CSNK2A2IP: variants seen among roughly 807,000 people sequenced by gnomAD.
The protein encoded by CSNK2A2IP is casein kinase II subunit alpha'-interacting protein.
the CSNK2A2IP span, among the ~76,000 whole-genome samples, chr3:88,396,185 G>A: frequency 2.7e-5 from 4 of 149,164 alleles, no homozygotes; most frequent in Non-Finnish European, 5.9e-5. Flanking sequence ...GCTCACTGCA[G>A]GCTCCGCCCC....
At chr3:88,396,098 C>T in the CSNK2A2IP span, among the ~76,000 whole-genome samples, 4 of 147,084 alleles carry the variant, frequency 2.7e-5, no homozygotes, top group Non-Finnish European at 6.0e-5. Context: ...AGAGGACTAC[C>T]TACTTCTTTT....
chr3:88,348,591 A>G, the CSNK2A2IP span, among the ~76,000 whole-genome samples: 1 of 152,122 alleles, frequency 6.6e-6, no homozygotes, highest in Non-Finnish European at 1.5e-5. Context: ...AGATATATCT[A>G]AAGAGTAGTG....
the CSNK2A2IP span, among the ~76,000 whole-genome samples, chr3:88,363,889 A>T: frequency 1.3e-5 from 2 of 152,172 alleles, no homozygotes; most frequent in Non-Finnish European, 2.9e-5. Context: ...ACCCTGTGTT[A>T]GTGCTAGGGC....
the CSNK2A2IP span, among the ~76,000 whole-genome samples, chr3:88,365,443 G>T: frequency 6.6e-6 from 1 of 151,976 alleles, no homozygotes; most frequent in Non-Finnish European, 1.5e-5. Context: ...GAGTTTCTTT[G>T]GGCCTTAAGG....
chr3:88,430,579 A>C, the CSNK2A2IP span, among the ~76,000 whole-genome samples: 1 of 152,154 alleles, frequency 6.6e-6, no homozygotes, highest in African/African-American at 2.4e-5. Flanking sequence ...AAAGAAATGG[A>C]AAATGAGAAA....
the CSNK2A2IP span, among the ~76,000 whole-genome samples, chr3:88,421,081 A>T: frequency 2.0e-5 from 3 of 152,014 alleles, no homozygotes; most frequent in Admixed American, 2.0e-4. Context: ...CCGAAGAGAG[A>T]TGTCTTAGCT....
the CSNK2A2IP span, among the ~76,000 whole-genome samples, chr3:88,406,897 T>A: frequency 6.6e-6 from 1 of 152,220 alleles, no homozygotes; most frequent in Non-Finnish European, 1.5e-5. Context: ...CCTGTGGATA[T>A]CACGGTGTAG....
At chr3:88,367,788 G>A in the CSNK2A2IP span, among the ~76,000 whole-genome samples, 3 of 152,050 alleles carry the variant, frequency 2.0e-5, no homozygotes, top group South Asian at 2.1e-4. Context: ...ATGAACCATT[G>A]CTAATTTGCA....
chr3:88,350,575 C>G, the CSNK2A2IP span, among the ~76,000 whole-genome samples: 1 of 127,210 alleles, frequency 7.9e-6, no homozygotes, highest in African/African-American at 2.9e-5. Flanking sequence ...CTTAAGGGAA[C>G]AAATACACTA....
the CSNK2A2IP span, among the ~76,000 whole-genome samples, chr3:88,398,486 A>G: frequency 6.6e-6 from 1 of 152,190 alleles, no homozygotes. Flanking sequence ...CACCAGTTAG[A>G]TAAATTAATC....
chr3:88,462,146 A>T, the CSNK2A2IP span, among the ~76,000 whole-genome samples: 1 of 146,914 alleles, frequency 6.8e-6, no homozygotes, highest in African/African-American at 2.5e-5. Context: ...TGTATTGTAA[A>T]TTTTTTTACA....
At chr3:88,429,860 C>A in the CSNK2A2IP span, among the ~76,000 whole-genome samples, 2 of 152,040 alleles carry the variant, frequency 1.3e-5, no homozygotes, top group Non-Finnish European at 2.9e-5. Flanking sequence ...TCACGCCATT[C>A]TCCTGCCTCA....
the CSNK2A2IP span, among the ~76,000 whole-genome samples, chr3:88,345,682 G>T: frequency 5.9e-5 from 9 of 151,872 alleles, no homozygotes; most frequent in African/African-American, 2.2e-4. Context: ...GATAAATGTT[G>T]TATGTGCTCT....
chr3:88,416,015 A>T, the CSNK2A2IP span, among the ~76,000 whole-genome samples: 7 of 152,022 alleles, frequency 4.6e-5, no homozygotes, highest in African/African-American at 1.7e-4. Context: ...TCACACCTGT[A>T]ATCCCAGCAC....
the CSNK2A2IP span, among the ~76,000 whole-genome samples, chr3:88,453,930 G>A: frequency 2.6e-5 from 4 of 152,064 alleles, no homozygotes; most frequent in African/African-American, 7.2e-5. Context: ...ATGAGCATAT[G>A]CTTTCATTTG....
chr3:88,349,336 C>G, the CSNK2A2IP span, among the ~76,000 whole-genome samples: 1 of 151,964 alleles, frequency 6.6e-6, no homozygotes, highest in South Asian at 2.1e-4. Context: ...CTCTGTATGT[C>G]TTTGTGTCTT....
At chr3:88,442,116 G>T in the CSNK2A2IP span, among the ~76,000 whole-genome samples, 3 of 152,148 alleles carry the variant, frequency 2.0e-5, no homozygotes, top group East Asian at 1.9e-4. Context: ...ATTAGAATTT[G>T]TGTGTGTATA....
At chr3:88,356,997 T>C in the CSNK2A2IP span, among the ~76,000 whole-genome samples, 1 of 150,952 alleles carries the variant, frequency 6.6e-6, no homozygotes, top group Non-Finnish European at 1.5e-5. Flanking sequence ...AGTTTATTTA[T>C]ATTTTGGTTA....
chr3:88,368,130 G>A, the CSNK2A2IP span, among the ~76,000 whole-genome samples: 1 of 151,886 alleles, frequency 6.6e-6, no homozygotes, highest in African/African-American at 2.4e-5. Flanking sequence ...TTCTAATAGG[G>A]AATGAGTTTC....
Sources: gnomAD v4.1 joint callset for allele counts (sites outside exome capture counted in the v4.1 genomes callset) on GRCh38, gnomAD v4.1.1 for gene constraint, MANE v1.5 for transcripts, NCBI Gene and HGNC (gene_info 2026-07-23, HGNC 2026-07-21) for gene names.